Variants in ATP2B4 observed in about 807,000 individuals in gnomAD.
ATP2B4 encodes the protein ATPase plasma membrane Ca2+ transporting 4.
A neutral mutation model predicts 110.3 loss-of-function variants in ATP2B4; 39 were observed. That is an observed-to-expected ratio of 0.35 (90% CI 0.27 to 0.46). The LOEUF (loss-of-function observed/expected upper bound fraction) is 0.46, where lower values mean the gene tolerates loss of function less well. ATP2B4 is among the 20% of genes least tolerant of loss of function. The probability of loss-of-function intolerance (pLI) is 1.00; values close to 1 mark genes in which losing one functional copy is unlikely to be tolerated. For synonymous variants in ATP2B4, 538 were observed against 571.7 expected (o/e 0.94, Z 0.84); for missense variants, 1,135 against 1,530.9 (o/e 0.74, Z 4.32).
At chr1:203,668,195 C>T (rs185311942) in intron 1 of ATP2B4, among the ~76,000 whole-genome samples, 1 of 152,244 alleles carries the variant, frequency 6.6e-6, no homozygotes, top group East Asian at 1.9e-4. Flanking sequence ...AACAGTGGAG[C>T]CATCTTGCAG....
At chr1:203,663,982 G>T (rs2102335761) in intron 1 of ATP2B4, among the ~76,000 whole-genome samples, 1 of 152,246 alleles carries the variant, frequency 6.6e-6, no homozygotes, top group East Asian at 1.9e-4. Context: ...GTGGTTGCAT[G>T]GCCTTAACTG....
At position 203,739,900 on chromosome 1, in the gene ATP2B4, T is replaced by G. The variant is rs1402795932; in HGVS notation, c.*46T>G. 2 of 1,566,542 alleles carry G rather than the reference T, an allele frequency of 1.3e-6. No homozygotes were observed. The highest frequency in any genetic ancestry group is 1.7e-6 in the Non-Finnish European group (2 of 1,155,264). ...ATCCCTATTTTACCTATTTCCATTT[T>G]CGTCTATCCCATCTATGAGGTGATG... On this transcript the variant is annotated 3_prime_UTR_variant, in exon 21 of 21. Coordinates refer to ENST00000357681, the MANE Select transcript of ATP2B4 (RefSeq NM_001684.5).
rs1663194474 is a variant in ATP2B4, at chr1:203,629,500, C to A, written c.-465+2281C>A. On this transcript the variant is annotated intron_variant, in intron 1 of 20. Coordinates refer to ENST00000357681, the MANE Select transcript of ATP2B4 (RefSeq NM_001684.5). This position sits in a 1 kb window ranked among gnomAD's most constrained non-coding sequence, Gnocchi z 4.6. Reference sequence around the variant, plus strand: ...CGTGAGGTCGTTATTTAGCGCGCACCGGGTCGCCTGAGCCCGGGGTCGCGG... The same window carrying A: ...CGTGAGGTCGTTATTTAGCGCGCACAGGGTCGCCTGAGCCCGGGGTCGCGG... Among the ~76,000 whole-genome samples the A allele has an allele frequency of 6.6e-6, 1 of 152,150 alleles. No homozygotes were observed. Among genetic ancestry groups the A allele is most frequent in the Non-Finnish European group, 1.5e-5 (1 of 68,006 alleles).
At position 203,711,960 on chromosome 1, in the gene ATP2B4, G is replaced by A. The variant is rs112154092; in HGVS notation, c.2032G>A (p.Val678Met). The stretch of plus-strand genomic sequence containing the variant: ...TTTCCCCTTTCTTCACTCTCCATAG[G>A]TGCCAGATGCTATTGCCAAATGCAA... ...VGIEDPVRPEVPDAIAKCKQA... is the reference protein window; with the variant it reads ...VGIEDPVRPEMPDAIAKCKQA... The change falls in exon 13 of 21, where the codon GTG becomes ATG. Residue 678 changes from valine (V) to methionine (M), a missense_variant and splice_region_variant. Val to Met is a conservative substitution (Grantham distance 21). Transcript: ENST00000357681. The A allele has an allele frequency of 6.2e-7, 1 of 1,613,996 alleles. No homozygotes were observed.
intron 8 of ATP2B4, 114 bp downstream of exon 8, chr1:203,703,927 G>T (rs115760012): frequency 0.018 from 25,245 of 1,375,556 alleles, 285 homozygotes; most frequent in Non-Finnish European, 0.021. Context: ...GAAACTTCAG[G>T]GTGGCTAGTT....
intron 1 of ATP2B4, among the ~76,000 whole-genome samples, chr1:203,673,803 C>T (rs540658360): frequency 8.5e-5 from 13 of 152,274 alleles, no homozygotes; most frequent in African/African-American, 2.9e-4. Flanking sequence ...CAGTCTGTGG[C>T]CAGGCAACTT....
At chr1:203,656,819 A>C (rs1362354483) in intron 1 of ATP2B4, 1 of 309,328 alleles carries the variant, frequency 3.2e-6, no homozygotes, top group Non-Finnish European at 5.9e-6. Context: ...CAAAACAAAG[A>C]CCATTTATAA....
intron 1 of ATP2B4, among the ~76,000 whole-genome samples, chr1:203,676,063 G>T (rs113239025): frequency 3.3e-5 from 5 of 152,170 alleles, no homozygotes; most frequent in African/African-American, 1.2e-4. Context: ...ATCCCATGGT[G>T]AGGCCAGAGG....
chr1:203,660,391 G>A (rs973265526), intron 1 of ATP2B4, among the ~76,000 whole-genome samples: 24 of 152,100 alleles, frequency 1.6e-4, no homozygotes, highest in East Asian at 3.9e-4. Flanking sequence ...GAGAATGCAC[G>A]CCATTGGGGT....
intron 1 of ATP2B4, among the ~76,000 whole-genome samples, chr1:203,659,668 A>T (rs1664272397): frequency 6.6e-6 from 1 of 152,184 alleles, no homozygotes; most frequent in Non-Finnish European, 1.5e-5. Flanking sequence ...TGTCTCAAAA[A>T]ATAAAAATAA....
chr1:203,716,526 A>G (rs1466189769), intron 15 of ATP2B4, among the ~76,000 whole-genome samples: 2 of 145,014 alleles, frequency 1.4e-5, no homozygotes, highest in Non-Finnish European at 3.1e-5. Flanking sequence ...CACCTTTATC[A>G]GTTAGTTGTT....
chr1:203,685,944 G>A (rs1665165615), intron 2 of ATP2B4, among the ~76,000 whole-genome samples: 1 of 151,730 alleles, frequency 6.6e-6, no homozygotes, highest in Non-Finnish European at 1.5e-5. Flanking sequence ...GTCCTATCTG[G>A]AGAGGTTACT....
At chr1:203,702,281 C>G (rs911809325) in intron 7 of ATP2B4, among the ~76,000 whole-genome samples, 3 of 152,120 alleles carry the variant, frequency 2.0e-5, no homozygotes, top group African/African-American at 7.2e-5. Context: ...GACAACAGCA[C>G]CCTCTGCTGT....
Position 203,699,457 on chromosome 1 carries a change from T to C in ATP2B4, c.392-3T>C, listed in dbSNP as rs754222373. The stretch of plus-strand genomic sequence containing the variant: ...TGACTATTTCTCTCCCTTCCTGGGA[T>C]AGTGTGTGGTCAAGTCGCAACTACC... On this transcript the variant is annotated splice_region_variant and splice_polypyrimidine_tract_variant and intron_variant, in intron 3 of 20. Coordinates refer to ENST00000357681, the MANE Select transcript of ATP2B4 (RefSeq NM_001684.5). 26 of 1,613,900 alleles carry C rather than the reference T, an allele frequency of 1.6e-5. No individual in the cohort carries two copies. Among genetic ancestry groups the C allele is most frequent in the Non-Finnish European group, 2.0e-5 (24 of 1,179,942 alleles).
chr1:203,658,895 T>C (rs1277094725), intron 1 of ATP2B4, among the ~76,000 whole-genome samples: 1 of 151,760 alleles, frequency 6.6e-6, no homozygotes, highest in African/African-American at 2.4e-5. Flanking sequence ...TCCCAGCTAC[T>C]GAGGAGGCTG....
rs41264257 is a variant in ATP2B4 at position 203,739,644 on chromosome 1, C to T, written c.3408C>T (p.Phe1136=). 0.043 allele frequency: 70,115 copies of T among 1,614,066 alleles called. 1,821 individuals carry two copies. The highest frequency in any genetic ancestry group is 0.05 in the South Asian group (4,562 of 91,076). Reference sequence around the variant, plus strand: ...ACAGCTTCATGACCCACCCTGAATTCGCCATAGAGGAGGAGTTGCCACGAA... The same window carrying T: ...ACAGCTTCATGACCCACCCTGAATTTGCCATAGAGGAGGAGTTGCCACGAA... The part of the protein sequence containing the change: ...SIHSFMTHPE[F]AIEEELPRTP... Residue 1136 remains phenylalanine, a synonymous_variant, in exon 21 of 21, where the codon TTC becomes TTT. Transcript: ENST00000357681.
At chr1:203,690,975 C>T (rs1366680493) in intron 2 of ATP2B4, among the ~76,000 whole-genome samples, 1 of 152,166 alleles carries the variant, frequency 6.6e-6, no homozygotes, top group Non-Finnish European at 1.5e-5. Context: ...CTGAATTAGG[C>T]TTCTTGTAGG....
intron 2 of ATP2B4, among the ~76,000 whole-genome samples, chr1:203,687,352 C>T (rs1351044776): frequency 1.3e-5 from 2 of 151,976 alleles, no homozygotes; most frequent in Non-Finnish European, 2.9e-5. Context: ...GGAGTATCTA[C>T]CCAGGCAAGG....
At position 203,743,325 on chromosome 1, in the gene ATP2B4, C is replaced by G. The variant is rs1381579833; in HGVS notation, c.*3471C>G. ...CTTCCTCACCTTTCATATCTAGGGA[C>G]CACCCCCGATGCATTGGTGAGGGTG... On this transcript the variant is annotated 3_prime_UTR_variant, in exon 21 of 21. Transcript: ENST00000357681. 2 of 152,628 alleles carry G rather than the reference C, an allele frequency of 1.3e-5. No individual in the cohort carries two copies. The highest frequency in any genetic ancestry group is 2.9e-5 in the Non-Finnish European group (2 of 68,056). The allele number at this position is 152,628 out of a possible 1,614,324, so 9.5% of individuals were successfully genotyped here.
Sources: gnomAD v4.1 joint callset for allele counts (sites outside exome capture counted in the v4.1 genomes callset) on GRCh38, gnomAD v4.1.1 for gene constraint, Gnocchi (gnomAD v3.1) non-coding constraint, MANE v1.5 for transcripts, NCBI Gene and HGNC (gene_info 2026-07-23, HGNC 2026-07-21) for gene names.